Variants in PCCB observed in about 807,000 individuals in gnomAD.
PCCB encodes the protein propionyl-CoA carboxylase subunit beta, also known as propionyl-CoA carboxylase beta chain, mitochondrial.
Under a neutral mutation model 60.7 loss-of-function variants are expected in PCCB, and 43 were observed. The observed-to-expected ratio is 0.71, with a 90% CI of 0.55 to 0.91. PCCB has a LOEUF of 0.91. Ranked by LOEUF, PCCB falls within the 40% of genes least tolerant of loss-of-function variation. The probability of loss-of-function intolerance (pLI) is 0.00; values close to 1 mark genes in which losing one functional copy is unlikely to be tolerated. For missense variants in PCCB, 766 were observed against 702.8 expected (o/e 1.09, Z -1.02); for synonymous variants, 276 against 255.9 (o/e 1.08, Z -0.75).
At chr3:136,273,277 A>G (rs1309938181) in intron 5 of PCCB, among the ~76,000 whole-genome samples, 1 of 152,166 alleles carries the variant, frequency 6.6e-6, no homozygotes, top group East Asian at 1.9e-4. Context: ...GAGGAGAAGA[A>G]TGTATATTCT....
intron 12 of PCCB, 71 bp downstream of exon 12, chr3:136,327,326 C>G: frequency 8.5e-7 from 1 of 1,180,502 alleles, no homozygotes; most frequent in South Asian, 1.2e-5. Flanking sequence ...GGAGGTCTGG[C>G]AGAGTTTTAC....
In PCCB at chr3:136,273,952, C is replaced by T. The variant is rs1458556816; in HGVS notation, c.544-9885C>T. On this transcript the variant is annotated intron_variant, in intron 5 of 14. Coordinates refer to ENST00000251654, the MANE Select transcript of PCCB (RefSeq NM_000532.5). Reference sequence around the variant, plus strand: ...AAAAAAAAAAGAATAGCTCATTCTGCTTGCTTTTGGTTCCCATTTGCATGG... The same window carrying T: ...AAAAAAAAAAGAATAGCTCATTCTGTTTGCTTTTGGTTCCCATTTGCATGG... 2.1e-5 allele frequency among the ~76,000 whole-genome samples: 3 copies of T among 143,284 alleles called. No individual in the cohort carries two copies. In the Admixed American group the frequency reaches 2.1e-4, roughly 10 times the overall value. The allele number at this position is 143,284 out of a possible 152,430, so 94.0% of individuals were successfully genotyped here. A position where few individuals can be genotyped will look rare whatever the true frequency, so the allele number is the denominator to read the frequency against.
rs748422725 is a variant in PCCB, at chr3:136,327,208, G to A, written c.1252G>A (p.Ala418Thr). The A allele has an allele frequency of 4.3e-6, 7 of 1,614,036 alleles. No homozygotes were observed. The highest frequency in any genetic ancestry group is 1.3e-5 in the African/African-American group (1 of 74,926). The change falls in exon 12 of 15, where the codon GCA becomes ACA. Residue 418 changes from alanine (A) to threonine (T), a missense_variant. By Grantham distance (58) the Ala-to-Thr change is moderately conservative. Coordinates refer to ENST00000251654, the MANE Select transcript of PCCB (RefSeq NM_000532.5). Reference protein sequence around the residue: ...IIRHGAKLLYAFAEATVPKVT... With the variant: ...IIRHGAKLLYTFAEATVPKVT... ...CCGGCATGGTGCCAAGCTTCTCTACGCATTTGCTGAGGCAACTGTACCCAA... is the reference window on the plus strand; with the variant it reads ...CCGGCATGGTGCCAAGCTTCTCTACACATTTGCTGAGGCAACTGTACCCAA...
At chr3:136,264,874 C>CAAAAA (rs1167305370) in intron 5 of PCCB, among the ~76,000 whole-genome samples, 5 of 76,608 alleles carry the variant, frequency 6.5e-5, no homozygotes, top group South Asian at 5.2e-4. Context: ...GACTCCGTCT[C>CAAAAA]AAAAAAAAAA....
At chr3:136,322,400 G>A (rs368168395) in intron 10 of PCCB, among the ~76,000 whole-genome samples, 4 of 152,228 alleles carry the variant, frequency 2.6e-5, no homozygotes, top group South Asian at 4.1e-4. Flanking sequence ...ATGTTTATGA[G>A]CAATATTGAG....
At chr3:136,270,540 C>G (rs894843787) in intron 5 of PCCB, among the ~76,000 whole-genome samples, 2 of 151,826 alleles carry the variant, frequency 1.3e-5, no homozygotes, top group East Asian at 1.9e-4. Flanking sequence ...GAGTCTTGCT[C>G]TGTTTCTCAG....
intron 9 of PCCB, among the ~76,000 whole-genome samples, chr3:136,313,752 A>G (rs564430860): frequency 6.6e-6 from 1 of 152,352 alleles, no homozygotes; most frequent in Non-Finnish European, 1.5e-5. Context: ...CCTTTAATCT[A>G]AAGACCAAAA....
At chr3:136,327,018 A>T in intron 11 of PCCB, 108 bp downstream of exon 11, 2 of 1,113,056 alleles carry the variant, frequency 1.8e-6, no homozygotes, top group Middle Eastern at 2.0e-4. Context: ...TGACTTCTCC[A>T]TGTATTCTGG....
intron 3 of PCCB, among the ~76,000 whole-genome samples, chr3:136,257,472 A>T (rs1038568850): frequency 6.6e-6 from 1 of 152,212 alleles, no homozygotes; most frequent in African/African-American, 2.4e-5. Context: ...CTATAAGATA[A>T]TACATTTGTG....
intron 1 of PCCB, among the ~76,000 whole-genome samples, chr3:136,254,538 TTTTTTTTTTTA>T (rs1259732740): frequency 3.2e-4 from 44 of 137,510 alleles, no homozygotes; most frequent in Non-Finnish European, 2.9e-4. Flanking sequence ...TTTTTTTTTT[TTTTTTTTTTTA>T]AAAGACAGGT....
chr3:136,310,362 TAA>T (rs749793184), intron 9 of PCCB, among the ~76,000 whole-genome samples: 15 of 126,426 alleles, frequency 1.2e-4, no homozygotes, highest in Non-Finnish European at 1.0e-4. Context: ...AAACTCCATC[TAA>T]AAAAAAAAAA....
chr3:136,290,058 G>A (rs780162452), intron 6 of PCCB, among the ~76,000 whole-genome samples: 9 of 152,028 alleles, frequency 5.9e-5, no homozygotes, highest in Non-Finnish European at 1.2e-4. Flanking sequence ...TTGAATTTTT[G>A]CTACTATTAA....
rs556446229 is a variant in PCCB, at chr3:136,308,900, A to G, written c.966+7789A>G. Among the ~76,000 whole-genome samples the G allele has an allele frequency of 6.6e-5, 10 of 152,298 alleles. No individual in the cohort carries two copies. In the South Asian group the frequency reaches 2.1e-3, roughly 32 times the overall value. The stretch of plus-strand genomic sequence containing the variant: ...AAAAGACAAAACACTATGTGTCAAA[A>G]CCTATAGAATATGTTTAAAACGATG... On this transcript the variant is annotated intron_variant, in intron 9 of 14. Coordinates refer to ENST00000251654, the MANE Select transcript of PCCB (RefSeq NM_000532.5).
chr3:136,316,475 A>G (rs962891527), intron 9 of PCCB, among the ~76,000 whole-genome samples: 4 of 151,866 alleles, frequency 2.6e-5, no homozygotes, highest in African/African-American at 9.7e-5. Flanking sequence ...CCACCACACC[A>G]GGCCAATTTT....
At chr3:136,293,569 T>A (rs1031767321) in intron 6 of PCCB, among the ~76,000 whole-genome samples, 187 bp from the exon 7 acceptor site, 3 of 152,226 alleles carry the variant, frequency 2.0e-5, no homozygotes, top group African/African-American at 4.8e-5. Context: ...AGAAATTTTT[T>A]AAAAAAGACA....
chr3:136,300,169 T>TGTATAA (rs58385621), intron 8 of PCCB, among the ~76,000 whole-genome samples: 55,718 of 151,506 alleles, frequency 0.37, 11,238 homozygotes, highest in African/African-American at 0.54. Context: ...TATACACATA[T>TGTATAA]GTATATGTGT....
chr3:136,250,949 G>T (rs1466880549), intron 1 of PCCB, among the ~76,000 whole-genome samples: 1 of 152,120 alleles, frequency 6.6e-6, no homozygotes, highest in African/African-American at 2.4e-5. Context: ...GCTTATTCTC[G>T]TGCCCCATGA....
chr3:136,327,906 C>A (rs1225900687), intron 13 of PCCB, among the ~76,000 whole-genome samples, 174 bp downstream of exon 13: 1 of 152,178 alleles, frequency 6.6e-6, no homozygotes, highest in Non-Finnish European at 1.5e-5. Flanking sequence ...CCAGAGATAG[C>A]TCTGCCTCCT....
chr3:136,254,518 C>CTTTTT (rs3994953), intron 1 of PCCB, among the ~76,000 whole-genome samples: 2,155 of 45,912 alleles, frequency 0.047, 375 homozygotes, highest in East Asian at 0.077. Context: ...CTGCGGCTAG[C>CTTTTT]TTTTTTTTTT....
Sources: gnomAD v4.1 joint callset for allele counts (sites outside exome capture counted in the v4.1 genomes callset) on GRCh38, gnomAD v4.1.1 for gene constraint, MANE v1.5 for transcripts, NCBI Gene and HGNC (gene_info 2026-07-23, HGNC 2026-07-21) for gene names.